Variants in PPARGC1B observed in about 807,000 individuals in gnomAD.
PPARGC1B encodes PPARG coactivator 1 beta.
In PPARGC1B, 34 loss-of-function variants were observed where a neutral mutation model predicts 101.6. The ratio of observed to expected loss-of-function variants is 0.33; its 90% confidence interval spans 0.25 to 0.45. The LOEUF is 0.45. Ranked by LOEUF, PPARGC1B falls within the 20% of genes least tolerant of loss-of-function variation. The probability of loss-of-function intolerance (pLI) is 1.00; values close to 1 mark genes in which losing one functional copy is unlikely to be tolerated. For missense variants in PPARGC1B, 1,234 were observed against 1,317.6 expected, an observed-to-expected ratio of 0.94 and a Z score of 0.98; for synonymous variants, 548 against 539.3, an observed-to-expected ratio of 1.02 and a Z score of -0.22.
chr5:149,822,585 G>A (rs1402368744), intron 2 of PPARGC1B, among the ~76,000 whole-genome samples: 1 of 152,238 alleles, frequency 6.6e-6, no homozygotes, highest in African/African-American at 2.4e-5. Context: ...ACAGTGCCTG[G>A]CACTTTGTCA....
At chr5:149,796,259 C>T (rs936446159) in intron 1 of PPARGC1B, among the ~76,000 whole-genome samples, 24 of 152,142 alleles carry the variant, frequency 1.6e-4, no homozygotes, top group Admixed American at 1.3e-4. Flanking sequence ...TTGATCTAAA[C>T]ATCAGAAAGT....
chr5:149,835,266 G>C, intron 6 of PPARGC1B, 35 bp from the exon 7 acceptor site: 1 of 1,608,642 alleles, frequency 6.2e-7, no homozygotes, highest in East Asian at 2.2e-5. Flanking sequence ...CTGCTGACTT[G>C]CTTCTTTCCT....
At chr5:149,815,181 G>A (rs1165272154) in intron 1 of PPARGC1B, among the ~76,000 whole-genome samples, 1 of 152,162 alleles carries the variant, frequency 6.6e-6, no homozygotes, top group African/African-American at 2.4e-5. Context: ...GGGTTGAATT[G>A]TATCCTCTCA....
chr5:149,851,129 G>C lies in PPARGC1B; in HGVS notation c.*3571G>C, dbSNP rs1384326503. The C allele has an allele frequency of 6.6e-6, 1 of 152,194 alleles. No individual in the cohort carries two copies. Among genetic ancestry groups the C allele is most frequent in the Non-Finnish European group, 1.5e-5 (1 of 68,052 alleles). The allele number at this position is 152,194 out of a possible 1,614,324, so 9.4% of individuals were successfully genotyped here. On this transcript the variant is annotated 3_prime_UTR_variant, in exon 12 of 12. Coordinates refer to ENST00000309241, the MANE Select transcript of PPARGC1B (RefSeq NM_133263.4). ...CGGGCAGGAGAAGGAAGGGAGGAAT[G>C]CTCTGAGCTGCAAAGACCCAGTACT...
chr5:149,740,574 GAA>G (rs1400532563), intron 1 of PPARGC1B, among the ~76,000 whole-genome samples: 1 of 152,204 alleles, frequency 6.6e-6, no homozygotes, highest in East Asian at 1.9e-4. Flanking sequence ...GATGCCACTT[GAA>G]GAGAGAAGAA....
At chr5:149,746,992 G>T (rs1755117475) in intron 1 of PPARGC1B, among the ~76,000 whole-genome samples, 1 of 152,128 alleles carries the variant, frequency 6.6e-6, no homozygotes. Flanking sequence ...TTACATTTGA[G>T]ATACTAATCT....
chr5:149,757,896 A>AC (rs1284197715), intron 1 of PPARGC1B, among the ~76,000 whole-genome samples: 1 of 152,192 alleles, frequency 6.6e-6, no homozygotes, highest in Non-Finnish European at 1.5e-5. Flanking sequence ...ACTCCCATGG[A>AC]CCCCATTCCC....
intron 1 of PPARGC1B, among the ~76,000 whole-genome samples, chr5:149,734,821 T>C (rs1754638659): frequency 1.3e-5 from 2 of 152,250 alleles, no homozygotes; most frequent in African/African-American, 4.8e-5. Context: ...ATTGTTTTAA[T>C]GTGCATTTAT....
chr5:149,799,098 G>A (rs1023723397), intron 1 of PPARGC1B, among the ~76,000 whole-genome samples: 3 of 151,672 alleles, frequency 2.0e-5, no homozygotes, highest in Non-Finnish European at 4.4e-5. Context: ...TGTGAAGGGT[G>A]GAGAATGGGG....
In PPARGC1B at chr5:149,837,301, C is replaced by A. The variant is rs1029789689; in HGVS notation, c.2618+228C>A. ...CCTGGTCTGTGAAATCGAGAGTGTC[C>A]CAAACATCCTGGCCTCCAGAAAGAA... On this transcript the variant is annotated intron_variant, in intron 8 of 11. Coordinates refer to ENST00000309241, the MANE Select transcript of PPARGC1B (RefSeq NM_133263.4). This position sits in a 1 kb window ranked among gnomAD's most constrained non-coding sequence, Gnocchi z 4.2. Among the ~76,000 whole-genome samples the A allele has an allele frequency of 6.6e-6, 1 of 152,090 alleles. No individual in the cohort carries two copies. The highest frequency in any genetic ancestry group is 6.6e-5 in the Admixed American group (1 of 15,260).
intron 8 of PPARGC1B, among the ~76,000 whole-genome samples, chr5:149,839,751 T>C (rs1478831540): frequency 2.0e-5 from 3 of 152,088 alleles, no homozygotes; most frequent in East Asian, 3.8e-4. Flanking sequence ...CCTAATGGCA[T>C]AGAGAGGCAA....
At chr5:149,781,312 A>G (rs995060001) in intron 1 of PPARGC1B, among the ~76,000 whole-genome samples, 5 of 151,958 alleles carry the variant, frequency 3.3e-5, no homozygotes, top group Non-Finnish European at 7.3e-5. Context: ...GGGCAGGTGC[A>G]TGGTCACCTG....
chr5:149,778,892 AT>A (rs1756492875), intron 1 of PPARGC1B, among the ~76,000 whole-genome samples: 1 of 152,124 alleles, frequency 6.6e-6, no homozygotes, highest in Non-Finnish European at 1.5e-5. Flanking sequence ...AGAAAAAGAG[AT>A]TATCCAGAAA....
intron 10 of PPARGC1B, chr5:149,845,515 C>T: frequency 1.9e-6 from 1 of 520,668 alleles, no homozygotes; most frequent in Non-Finnish European, 3.4e-6. Context: ...CTCACAGGCT[C>T]ATCTGAGGAG....
At chr5:149,739,103 C>G (rs575167151) in intron 1 of PPARGC1B, among the ~76,000 whole-genome samples, 40 of 152,346 alleles carry the variant, frequency 2.6e-4, no homozygotes, top group African/African-American at 9.4e-4. Flanking sequence ...TCTGAAAGAA[C>G]TTTGTATTTT....
chr5:149,816,250 C>T (rs899195192), intron 1 of PPARGC1B, among the ~76,000 whole-genome samples: 1 of 152,206 alleles, frequency 6.6e-6, no homozygotes, highest in African/African-American at 2.4e-5. Flanking sequence ...GTGCTGGGTA[C>T]ACTTTGAGTA....
chr5:149,763,712 A>T (rs1214424028), intron 1 of PPARGC1B, among the ~76,000 whole-genome samples: 1 of 151,664 alleles, frequency 6.6e-6, no homozygotes, highest in Admixed American at 6.6e-5. Context: ...TAAATTTTTC[A>T]TTGAGATAAG....
At chr5:149,813,112 G>C (rs1387875327) in intron 1 of PPARGC1B, among the ~76,000 whole-genome samples, 14 of 152,150 alleles carry the variant, frequency 9.2e-5, no homozygotes, top group Admixed American at 7.9e-4. Flanking sequence ...AGAAGGTTTG[G>C]GGCTTAGCAG....
At position 149,832,912 on chromosome 5, in the gene PPARGC1B, C is replaced by T. The variant is rs1162820425; in HGVS notation, c.839C>T (p.Ser280Phe). 1.2e-6 allele frequency: 2 copies of T among 1,613,176 alleles called. No individual in the cohort carries two copies. The highest frequency in any genetic ancestry group is 4.5e-5 in the East Asian group (2 of 44,872). The change falls in exon 5 of 12, where the codon TCC becomes TTC. Residue 280 changes from serine to phenylalanine, a missense_variant. Physicochemically the swap from Ser to Phe is radical, Grantham distance 155. Around this residue, in one of 3 missense-constraint regions of PPARGC1B, gnomAD observed 734 missense variants for 768.4 expected, o/e 0.96. Coordinates refer to ENST00000309241, the MANE Select transcript of PPARGC1B (RefSeq NM_133263.4). This position sits in a 1 kb window ranked among gnomAD's most constrained non-coding sequence, Gnocchi z 4.9. ...LGRADPGAPV[S>F]QEDMQAMVQL... ...AGGGCAGACCCCGGTGCCCCGGTTTCCCAGGAAGACATGCAGGCGATGGTG... is the reference window on the plus strand; with the variant it reads ...AGGGCAGACCCCGGTGCCCCGGTTTTCCAGGAAGACATGCAGGCGATGGTG...
Sources: allele counts gnomAD v4.1 joint callset (sites outside exome capture counted in the v4.1 genomes callset), GRCh38; gene constraint gnomAD v4.1.1; regional missense constraint gnomAD v4.1.1; non-coding constraint Gnocchi (gnomAD v3.1); transcripts MANE v1.5; gene names NCBI Gene and HGNC (gene_info 2026-07-23, HGNC 2026-07-21).